Variants in PRKAG2 observed in about 807,000 individuals in gnomAD.
The protein encoded by PRKAG2 is 5'-AMP-activated protein kinase subunit gamma-2.
Under a neutral mutation model 69.6 loss-of-function variants are expected in PRKAG2, and 26 were observed. The observed-to-expected ratio is 0.37, with a 90% CI of 0.27 to 0.52. The LOEUF is 0.52. PRKAG2 is among the 20% of genes least tolerant of loss of function. The pLI is 0.90. For missense variants in PRKAG2, 557 were observed against 740.0 expected (o/e 0.75, Z 2.87); for synonymous variants, 293 against 285.0 (o/e 1.03, Z -0.28).
chr7:151,658,346 G>A (rs1585555065), intron 4 of PRKAG2, among the ~76,000 whole-genome samples: 4 of 150,246 alleles, frequency 2.7e-5, no homozygotes, highest in South Asian at 2.1e-4. Context: ...TTAGCCAGGC[G>A]TGGTGGCGCG....
intron 3 of PRKAG2, among the ~76,000 whole-genome samples, chr7:151,730,747 G>GGTCC (rs1798798181): frequency 6.6e-6 from 1 of 152,138 alleles, no homozygotes; most frequent in Non-Finnish European, 1.5e-5. Context: ...AGCACAAGAT[G>GGTCC]GTCCCCACAG....
chr7:151,754,015 T>A (rs1425935538), intron 3 of PRKAG2, among the ~76,000 whole-genome samples: 1 of 152,042 alleles, frequency 6.6e-6, no homozygotes, highest in Non-Finnish European at 1.5e-5. Flanking sequence ...CAAGACCGCA[T>A]CTCGAAAAAA....
intron 5 of PRKAG2, among the ~76,000 whole-genome samples, chr7:151,615,676 T>C (rs1819956999): frequency 1.3e-5 from 2 of 151,674 alleles, no homozygotes; most frequent in African/African-American, 4.8e-5. Flanking sequence ...CCAACAAAGG[T>C]CCAATATCCA....
chr7:151,610,625 T>C (rs1301739720), intron 5 of PRKAG2, among the ~76,000 whole-genome samples: 2 of 134,210 alleles, frequency 1.5e-5, no homozygotes, highest in East Asian at 2.4e-4. Context: ...TGCAGTGAAC[T>C]GATATCGCGC....
chr7:151,855,718 A>G (rs1324090233), intron 1 of PRKAG2, among the ~76,000 whole-genome samples: 1 of 140,138 alleles, frequency 7.1e-6, no homozygotes, highest in Non-Finnish European at 1.6e-5. Context: ...GCTGTGCCAT[A>G]GGGGAAAAGT....
chr7:151,724,187 C>T (rs748682876), intron 3 of PRKAG2, among the ~76,000 whole-genome samples: 13 of 152,162 alleles, frequency 8.5e-5, no homozygotes, highest in Admixed American at 5.2e-4. Flanking sequence ...CACTTCTGCC[C>T]GTAAGTTCCC....
chr7:151,730,759 G>T lies in PRKAG2; in HGVS notation c.466+50393C>A, dbSNP rs143373362. ...AAGAGCACAAGATGGTCCCCACAGG[G>T]CCATACTCAGCCAAGGGCAGGAGAG... On this transcript the variant is annotated intron_variant, in intron 3 of 15. Transcript: ENST00000287878. 4.5e-3 allele frequency among the ~76,000 whole-genome samples: 690 copies of T among 152,244 alleles called. 6 individuals carry two copies. Among genetic ancestry groups the T allele is most frequent in the African/African-American group, 0.016 (662 of 41,542 alleles).
intron 3 of PRKAG2, among the ~76,000 whole-genome samples, chr7:151,725,522 T>C (rs930691116): frequency 9.2e-5 from 14 of 151,672 alleles, no homozygotes; most frequent in African/African-American, 3.4e-4. Context: ...GATGGGTACA[T>C]TGGTAAATTT....
At chr7:151,773,007 AAGAAAGAAAGAAAGAAAG>A (rs2076097054) in intron 3 of PRKAG2, among the ~76,000 whole-genome samples, 2 of 15,050 alleles carry the variant, frequency 1.3e-4, no homozygotes, top group African/African-American at 7.2e-4. Flanking sequence ...GAAAGAAAGA[AAGAAAGAAAGAAAGAAAG>A]AGAGAGAGAG....
chr7:151,558,420 T>C (rs1465158282), intron 15 of PRKAG2: 1 of 985,392 alleles, frequency 1.0e-6, no homozygotes, highest in Non-Finnish European at 1.2e-6. Flanking sequence ...GCTCTTTTCA[T>C]AGCAACATAG....
At chr7:151,863,493 G>T (rs976706613) in intron 1 of PRKAG2, among the ~76,000 whole-genome samples, 1 of 152,132 alleles carries the variant, frequency 6.6e-6, no homozygotes, top group Non-Finnish European at 1.5e-5. Context: ...CCTCTGCTCA[G>T]TCCAGCTTGC....
intron 1 of PRKAG2, among the ~76,000 whole-genome samples, chr7:151,830,065 G>C (rs2078989224): frequency 6.6e-6 from 1 of 151,736 alleles, no homozygotes; most frequent in African/African-American, 2.4e-5. Context: ...CATTCTAGAT[G>C]GAGAAATGGG....
intron 1 of PRKAG2, among the ~76,000 whole-genome samples, chr7:151,868,760 C>G (rs1041399061): frequency 8.5e-5 from 13 of 152,090 alleles, no homozygotes; most frequent in African/African-American, 2.9e-4. Flanking sequence ...CTTAGCAGCC[C>G]CCATAAATGT....
intron 3 of PRKAG2, among the ~76,000 whole-genome samples, chr7:151,735,469 C>A (rs1259993644): frequency 6.6e-6 from 1 of 152,176 alleles, no homozygotes; most frequent in Admixed American, 6.5e-5. Context: ...AGCCCACGAT[C>A]TGTCAGATTA....
intron 3 of PRKAG2, among the ~76,000 whole-genome samples, chr7:151,689,348 G>A (rs985283611): frequency 3.3e-5 from 5 of 152,188 alleles, no homozygotes; most frequent in Non-Finnish European, 7.3e-5. Flanking sequence ...CAGGTGGGAA[G>A]GGCTGTGGGT....
chr7:151,864,939 C>A (rs1000254509), intron 1 of PRKAG2, among the ~76,000 whole-genome samples: 1 of 152,116 alleles, frequency 6.6e-6, no homozygotes, highest in South Asian at 2.1e-4. Context: ...ACATATTACA[C>A]ATATTACATA....
intron 3 of PRKAG2, among the ~76,000 whole-genome samples, chr7:151,729,190 C>G (rs1256927329): frequency 6.6e-6 from 1 of 152,044 alleles, no homozygotes; most frequent in Non-Finnish European, 1.5e-5. Context: ...CGGGCCTCAC[C>G]AAATCCACGG....
chr7:151,607,299 T>C (rs1175120260), intron 5 of PRKAG2, among the ~76,000 whole-genome samples: 2 of 152,192 alleles, frequency 1.3e-5, no homozygotes, highest in Non-Finnish European at 2.9e-5. Flanking sequence ...TTTGTTTTTT[T>C]GAGACAGGGT....
chr7:151,748,196 C>T (rs1387835191), intron 3 of PRKAG2, among the ~76,000 whole-genome samples: 3 of 152,118 alleles, frequency 2.0e-5, no homozygotes, highest in Non-Finnish European at 4.4e-5. Flanking sequence ...GCTGGGATTA[C>T]AGGCGTGAGT....
Sources: allele counts gnomAD v4.1 joint callset (sites outside exome capture counted in the v4.1 genomes callset), GRCh38; gene constraint gnomAD v4.1.1; transcripts MANE v1.5; gene names NCBI Gene and HGNC (gene_info 2026-07-23, HGNC 2026-07-21).